The following RTN4 variants were observed in gnomAD, a reference collection of about 807,000 sequenced individuals.
The protein encoded by RTN4 is reticulon-4.
A neutral mutation model predicts 90.4 loss-of-function variants in RTN4; 32 were observed. That is an observed-to-expected ratio of 0.35 (90% CI 0.27 to 0.48). The LOEUF (loss-of-function observed/expected upper bound fraction) is 0.48. Among genes scored for constraint, RTN4 ranks in the 20% least tolerant of loss-of-function variants. RTN4 has a pLI of 0.99. For missense variants in RTN4, 1,706 were observed against 1,430.2 expected (o/e 1.19, Z -3.11); for synonymous variants, 629 against 552.5 (o/e 1.14, Z -1.94).
chr2:54,978,759 A>G (rs923860977), intron 5 of RTN4, among the ~76,000 whole-genome samples: 3 of 152,038 alleles, frequency 2.0e-5, no homozygotes, highest in Non-Finnish European at 4.4e-5. Context: ...ATTTTAAAAA[A>G]CTCATTGTTA....
chr2:55,064,137 C>T (rs1221964947), intron 2 of RTN4, among the ~76,000 whole-genome samples: 1 of 150,490 alleles, frequency 6.6e-6, no homozygotes, highest in Non-Finnish European at 1.5e-5. Flanking sequence ...CAGGAGGATT[C>T]CTTGAACTCA....
At chr2:54,981,900 C>A (rs1468435941) in intron 5 of RTN4, among the ~76,000 whole-genome samples, 6 of 151,532 alleles carry the variant, frequency 4.0e-5, no homozygotes, top group Non-Finnish European at 8.8e-5. Flanking sequence ...GTCAAAATTC[C>A]GATTAATTTC....
chr2:54,980,429 CTT>C (rs373424726), intron 5 of RTN4, among the ~76,000 whole-genome samples: 159 of 152,272 alleles, frequency 1.0e-3, no homozygotes, highest in African/African-American at 3.4e-3. Context: ...CAAGTGGAAA[CTT>C]TATACTCAAA....
At position 55,050,183 on chromosome 2, in the gene RTN4, C is replaced by G. The variant is rs757469450; in HGVS notation, c.118G>C (p.Glu40Gln). ...EPEDEEEEEEEEEEDEDEDLE... is the reference protein window; with the variant it reads ...EPEDEEEEEEQEEEDEDEDLE... Reference sequence around the variant, plus strand: ...TCTTCGTCCTCGTCCTCCTCTTCCTCCTCCTCTTCTTCCTCCTCGTCCTCG... The same window carrying G: ...TCTTCGTCCTCGTCCTCCTCTTCCTGCTCCTCTTCTTCCTCCTCGTCCTCG... Residue 40 changes from glutamate (E) to glutamine (Q), a missense_variant, in exon 1 of 9, where the codon GAG becomes CAG. Glu to Gln is a conservative substitution (Grantham distance 29). Transcript: ENST00000337526. This position sits in a 1 kb window ranked among gnomAD's most constrained non-coding sequence, Gnocchi z 4.6. The G allele has an allele frequency of 7.6e-6, 12 of 1,570,452 alleles. No individual in the cohort carries two copies.
chr2:55,091,751 A>T (rs546909297), intron 1 of RTN4, among the ~76,000 whole-genome samples: 1 of 152,320 alleles, frequency 6.6e-6, no homozygotes, highest in South Asian at 2.1e-4. Flanking sequence ...GAAGAAAAAG[A>T]GGTTTAGTTG....
intron 5 of RTN4, among the ~76,000 whole-genome samples, chr2:54,978,199 G>A (rs1486379012): frequency 1.3e-5 from 2 of 152,178 alleles, no homozygotes; most frequent in Non-Finnish European, 2.9e-5. Flanking sequence ...GGAGGCCAAG[G>A]CAGGCAGATC....
rs1465029490 is a variant in RTN4, at chr2:55,047,199, A to G, written c.556+2546T>C. Among the ~76,000 whole-genome samples the G allele has an allele frequency of 3.3e-5, 5 of 151,852 alleles. No individual in the cohort carries two copies. In the South Asian group the frequency reaches 6.2e-4, roughly 19 times the overall value. ...ACAAAAATTAGCCAGGCGTGGTGGC[A>G]GGCGCCTGTAATCCCAGCTACTCGG... On this transcript the variant is annotated intron_variant, in intron 1 of 8. Transcript: ENST00000337526.
chr2:55,083,491 C>T (rs904946683), intron 1 of RTN4, among the ~76,000 whole-genome samples: 3 of 151,716 alleles, frequency 2.0e-5, no homozygotes, highest in Admixed American at 6.6e-5. Flanking sequence ...AGCGAGACTC[C>T]GTCTCAAAGA....
At position 55,050,345 on chromosome 2, in the gene RTN4, G is replaced by A. The variant is rs767782967; in HGVS notation, c.-45C>T. On this transcript the variant is annotated 5_prime_UTR_variant, in exon 1 of 9. Transcript: ENST00000337526. The surrounding 1 kb of genome is among the most constrained non-coding windows in gnomAD (Gnocchi z 4.6). ...TGCTGCAGCTGCTGCCGCCGCCGCCGGGGCCGCGTCTCAGAGCCGCGGGCG... is the reference window on the plus strand; with the variant it reads ...TGCTGCAGCTGCTGCCGCCGCCGCCAGGGCCGCGTCTCAGAGCCGCGGGCG... 7 of 1,296,364 alleles carry A rather than the reference G, an allele frequency of 5.4e-6. No homozygotes were observed. Among genetic ancestry groups the A allele is most frequent in the African/African-American group, 3.1e-5 (2 of 65,178 alleles). The allele number at this position is 1,296,364 out of a possible 1,614,324, so 80.3% of individuals were successfully genotyped here. A position where few individuals can be genotyped will look rare whatever the true frequency, so the allele number is the denominator to read the frequency against.
At chr2:55,065,926 G>A (rs1668381840) in intron 2 of RTN4, among the ~76,000 whole-genome samples, 1 of 152,076 alleles carries the variant, frequency 6.6e-6, no homozygotes. Context: ...TCATGTAGAA[G>A]GTAGTGTGCA....
the RTN4 span, among the ~76,000 whole-genome samples, chr2:55,122,902 T>G: frequency 6.6e-6 from 1 of 152,248 alleles, no homozygotes; most frequent in Non-Finnish European, 1.5e-5. Context: ...TAAACCTGGT[T>G]GTTAAATTAG....
At chr2:55,010,039 T>C in intron 3 of RTN4, 4 of 1,580,168 alleles carry the variant, frequency 2.5e-6, no homozygotes, top group Non-Finnish European at 3.5e-6. Context: ...AGAAATATAT[T>C]AGTGGTCACA....
rs5831338 is a variant in RTN4, at chr2:55,097,301, CA to C, written c.-214+15218del. ...TGGATGACAGAGTGAAATTCTGTCTCAAAAAAAAAAAAAAAAAATTCCTTGG... is the reference window on the plus strand; with the variant it reads ...TGGATGACAGAGTGAAATTCTGTCTCAAAAAAAAAAAAAAAAATTCCTTGG... On this transcript the variant is annotated intron_variant, in intron 1 of 3. Transcript: ENST00000427710. 1.9e-3 allele frequency among the ~76,000 whole-genome samples: 202 copies of C among 108,932 alleles called. 1 individual carries two copies. The highest frequency in any genetic ancestry group is 4.8e-3 in the Middle Eastern group (1 of 210). 71.5% of individuals were successfully genotyped at this position (108,932 alleles called of 152,430 possible).
chr2:54,987,480 A>C lies in RTN4; in HGVS notation c.3221+11T>G. ...ATTGCCAATGCATGCCTTGTTTTCC[A>C]GACATCTCACCTGAATGGGTGGCCT... On this transcript the variant is annotated intron_variant, in intron 4 of 8. Transcript: ENST00000337526. The C allele has an allele frequency of 6.3e-7, 1 of 1,589,122 alleles. No homozygotes were observed.
At chr2:55,076,557 G>A (rs1668604119) in intron 2 of RTN4, among the ~76,000 whole-genome samples, 1 of 151,854 alleles carries the variant, frequency 6.6e-6, no homozygotes, top group Non-Finnish European at 1.5e-5. Context: ...GCATAACCAC[G>A]CTGAGCTAAT....
At chr2:55,021,396 C>CG (rs1681423251) in intron 3 of RTN4, among the ~76,000 whole-genome samples, 1 of 151,328 alleles carries the variant, frequency 6.6e-6, no homozygotes, top group African/African-American at 2.4e-5. Flanking sequence ...TCCCTGCCCC[C>CG]CCCGCCAAAA....
chr2:55,070,564 A>AC (rs1489264839), intron 2 of RTN4, among the ~76,000 whole-genome samples: 2 of 149,276 alleles, frequency 1.3e-5, no homozygotes, highest in Non-Finnish European at 3.0e-5. Flanking sequence ...AAAAAAAAAA[A>AC]AAGAAAGAAA....
At chr2:55,059,366 T>C (rs1030354686) in intron 2 of RTN4, among the ~76,000 whole-genome samples, 1 of 152,034 alleles carries the variant, frequency 6.6e-6, no homozygotes, top group African/African-American at 2.4e-5. Flanking sequence ...AATACTTTTT[T>C]TATTTTTGAG....
chr2:54,981,837 CAA>C (rs1322134107), intron 5 of RTN4, among the ~76,000 whole-genome samples: 1 of 62,076 alleles, frequency 1.6e-5, no homozygotes, highest in African/African-American at 7.7e-5. Context: ...GACTGTAAAG[CAA>C]AGTCAGAATG....
Sources: gnomAD v4.1 joint callset for allele counts (sites outside exome capture counted in the v4.1 genomes callset) on GRCh38, gnomAD v4.1.1 for gene constraint, Gnocchi (gnomAD v3.1) non-coding constraint, MANE v1.5 for transcripts, NCBI Gene and HGNC (gene_info 2026-07-23, HGNC 2026-07-21) for gene names.